Variants in TRIM36 observed in about 807,000 individuals in gnomAD.
TRIM36 encodes the protein E3 ubiquitin-protein ligase TRIM36.
In TRIM36, 42 loss-of-function variants were observed where a neutral mutation model predicts 72.4. The observed-to-expected ratio is 0.58, with a 90% confidence interval of 0.45 to 0.75. The LOEUF (loss-of-function observed/expected upper bound fraction) is 0.75, where lower values mean the gene tolerates loss of function less well. Among genes scored for constraint, TRIM36 ranks in the 30% least tolerant of loss-of-function variants. The pLI, the probability that TRIM36 is intolerant of heterozygous loss-of-function variation, is 0.00. For missense variants in TRIM36, 913 were observed against 857.1 expected (o/e 1.07, Z -0.81); for synonymous variants, 315 against 282.8 (o/e 1.11, Z -1.14).
At chr5:115,168,150 G>A (rs1754894277) in intron 1 of TRIM36, among the ~76,000 whole-genome samples, 1 of 152,166 alleles carries the variant, frequency 6.6e-6, no homozygotes, top group African/African-American at 2.4e-5. Context: ...TGAGATTTGG[G>A]TGTGGACACA....
chr5:115,176,941 G>A (rs1487566775), intron 1 of TRIM36, among the ~76,000 whole-genome samples: 3 of 152,170 alleles, frequency 2.0e-5, no homozygotes, highest in Non-Finnish European at 4.4e-5. Context: ...ATGCAGTATT[G>A]TTTGATGAGC....
At chr5:115,132,126 C>A (rs1269938995) in intron 8 of TRIM36, among the ~76,000 whole-genome samples, 1 of 151,680 alleles carries the variant, frequency 6.6e-6, no homozygotes, top group East Asian at 1.9e-4. Flanking sequence ...TACTTGAGTT[C>A]AGGAGTTTGA....
chr5:115,151,561 C>A (rs1351681276), intron 2 of TRIM36, among the ~76,000 whole-genome samples: 1 of 152,360 alleles, frequency 6.6e-6, no homozygotes, highest in Middle Eastern at 3.4e-3. Context: ...CACCTCCTGG[C>A]AGGAAGCCAA....
intron 2 of TRIM36, among the ~76,000 whole-genome samples, chr5:115,163,203 C>T (rs991974572): frequency 2.6e-5 from 4 of 152,204 alleles, no homozygotes; most frequent in South Asian, 2.1e-4. Context: ...GTGATCCACC[C>T]GACATGGCCT....
intron 2 of TRIM36, among the ~76,000 whole-genome samples, chr5:115,157,418 G>C (rs532875495): frequency 6.6e-6 from 1 of 152,218 alleles, no homozygotes; most frequent in South Asian, 2.1e-4. Context: ...AGAAAAATTA[G>C]CCAGATGTGG....
intron 2 of TRIM36, 137 bp from the exon 3 acceptor site, chr5:115,147,531 T>G (rs773728579): frequency 5.6e-6 from 6 of 1,062,360 alleles, no homozygotes; most frequent in Non-Finnish European, 7.9e-6. Context: ...ACGTGAAATT[T>G]GTATTGTGAA....
chr5:115,170,222 A>C (rs1461412397), upstream of TRIM36, among the ~76,000 whole-genome samples: 2 of 137,288 alleles, frequency 1.5e-5, no homozygotes, highest in Admixed American at 1.5e-4. Context: ...GGCAGCGGGG[A>C]GCGGTGGGCG....
chr5:115,155,519 T>C (rs914392211), intron 2 of TRIM36, among the ~76,000 whole-genome samples: 1 of 152,062 alleles, frequency 6.6e-6, no homozygotes, highest in African/African-American at 2.4e-5. Context: ...CATATGCAAG[T>C]CAATAAATGT....
intron 2 of TRIM36, chr5:115,159,684 A>T (rs1205996924): frequency 2.2e-6 from 1 of 450,858 alleles, no homozygotes; most frequent in East Asian, 7.1e-5. Context: ...TGAACAATGA[A>T]CAGAAAGCTG....
At chr5:115,173,815 G>A (rs545523248), upstream of TRIM36, among the ~76,000 whole-genome samples, 1 of 152,180 alleles carries the variant, frequency 6.6e-6, no homozygotes, top group African/African-American at 2.4e-5. Flanking sequence ...TAAAATCTGG[G>A]TTAAAATGCA....
At position 115,147,153 on chromosome 5, in the gene TRIM36, A is replaced by G; in HGVS notation, c.504T>C (p.Asn168=). Residue 168 remains asparagine, a synonymous_variant, in exon 3 of 10, where the codon AAT becomes AAC. Transcript: ENST00000513154. ...AAGGGTGATGAATTTTGAAGCATTC[A>G]TTGCAGTAACTTGCACTACAGTCCA... ...SCMDCSASYC[N]ECFKIHHPWG... 4 of 1,614,230 alleles carry G rather than the reference A, an allele frequency of 2.5e-6. No individual in the cohort carries two copies. The highest frequency in any genetic ancestry group is 2.5e-6 in the Non-Finnish European group (3 of 1,180,038).
chr5:115,134,679 T>G (rs955968852), intron 7 of TRIM36, among the ~76,000 whole-genome samples: 2 of 152,078 alleles, frequency 1.3e-5, no homozygotes, highest in African/African-American at 4.8e-5. Context: ...TAGCTGGGAT[T>G]ACAGGTGCGT....
rs919968312 is a variant in TRIM36, at chr5:115,126,400, T to G, written c.*103A>C. ...AAGAAGAATCATACTCAAACACAAG[T>G]GGGGTGACAGAACACTCAGCGATAT... On this transcript the variant is annotated 3_prime_UTR_variant, in exon 10 of 10. Transcript: ENST00000513154. 7 of 853,826 alleles carry G rather than the reference T, an allele frequency of 8.2e-6. No homozygotes were observed. The African/African-American group carries it at 1.2e-4, about 15-fold the overall frequency. 52.9% of individuals were successfully genotyped at this position (853,826 alleles called of 1,614,324 possible). A position where few individuals can be genotyped will look rare whatever the true frequency, so the allele number is the denominator to read the frequency against.
At position 115,137,447 on chromosome 5, in the gene TRIM36, T is replaced by G. The variant is rs370561941; in HGVS notation, c.1001A>C (p.Asn334Thr). ...MEEYQGLLEN[N>T]GLVGYAQEVL... ...TTCTTGAGCATATCCCACAAGTCCA[T>G]TGTTCTCTAGAAGTCCCTGGTACTC... Residue 334 changes from asparagine (N) to threonine (T), a missense_variant, in exon 6 of 10, where the codon AAT becomes ACT. Coordinates refer to ENST00000513154, the MANE Select transcript of TRIM36 (RefSeq NM_001300759.2). 1.2e-6 allele frequency: 2 copies of G among 1,614,042 alleles called. No individual in the cohort carries two copies. The highest frequency in any genetic ancestry group is 4.5e-5 in the East Asian group (2 of 44,882).
At chr5:115,158,673 T>C (rs1011482516) in intron 2 of TRIM36, among the ~76,000 whole-genome samples, 2 of 152,240 alleles carry the variant, frequency 1.3e-5, no homozygotes, top group Non-Finnish European at 1.5e-5. Context: ...TGCCTATGAG[T>C]TATATTTACC....
At chr5:115,136,450 G>C (rs909014985) in intron 7 of TRIM36, among the ~76,000 whole-genome samples, 25 of 152,246 alleles carry the variant, frequency 1.6e-4, no homozygotes, top group African/African-American at 5.3e-4. Flanking sequence ...AATCTGTTTT[G>C]AGTCACTCAG....
intron 1 of TRIM36, chr5:115,177,630 C>A: frequency 6.5e-7 from 1 of 1,541,640 alleles, no homozygotes. Flanking sequence ...GGCTGCGGGG[C>A]GGGGCAGGAT....
chr5:115,156,717 G>C (rs1754195942), intron 2 of TRIM36, among the ~76,000 whole-genome samples: 1 of 152,172 alleles, frequency 6.6e-6, no homozygotes. Flanking sequence ...AAAAATTCTA[G>C]AAGATAACAC....
chr5:115,177,423 C>G, intron 1 of TRIM36: 1 of 783,242 alleles, frequency 1.3e-6, no homozygotes, highest in Non-Finnish European at 1.6e-6. Flanking sequence ...CAGGCCTCTA[C>G]TCTCTTAACT....
Sources: allele counts gnomAD v4.1 joint callset (sites outside exome capture counted in the v4.1 genomes callset), GRCh38; gene constraint gnomAD v4.1.1; transcripts MANE v1.5; gene names NCBI Gene and HGNC (gene_info 2026-07-23, HGNC 2026-07-21).